DMXL2: variants seen among roughly 807,000 people sequenced by gnomAD.
DMXL2 encodes the protein dmX-like protein 2.
In DMXL2, 103 loss-of-function variants were observed where a neutral mutation model predicts 331.1. That is an observed-to-expected ratio of 0.31 (90% CI 0.27 to 0.37). The LOEUF (loss-of-function observed/expected upper bound fraction) is 0.37, where lower values mean the gene tolerates loss of function less well. DMXL2 is among the 10% of genes least tolerant of loss of function. The pLI is 1.00. For synonymous variants in DMXL2, 1,281 were observed against 1,252.1 expected (o/e 1.02, Z -0.49); for missense variants, 3,171 against 3,642.9 (o/e 0.87, Z 3.33).
chr15:51,458,663 T>A, intron 35 of DMXL2, 36 bp from the exon 36 acceptor site: 1 of 1,613,910 alleles, frequency 6.2e-7, no homozygotes, highest in Non-Finnish European at 8.5e-7. Context: ...ATTTAAGCAA[T>A]TTCACTAAGG....
chr15:51,614,840 T>C lies in DMXL2; in HGVS notation c.87+7619A>G, dbSNP rs556921667. Among the ~76,000 whole-genome samples, 5 of 152,334 alleles carry C rather than the reference T, an allele frequency of 3.3e-5. No individual in the cohort carries two copies. The South Asian group carries it at 1.0e-3, about 32-fold the overall frequency. The stretch of plus-strand genomic sequence containing the variant: ...AATAAGGGGCTAACAAGATTTTATT[T>C]GTATTTTAACAGGAGCATTCTAGCT... On this transcript the variant is annotated intron_variant, in intron 1 of 43. Coordinates refer to ENST00000560891, the MANE Select transcript of DMXL2 (RefSeq NM_001378457.1).
Position 51,565,143 on chromosome 15 carries a change from T to A in DMXL2, c.309A>T (p.Lys103Asn), listed in dbSNP as rs145990322. The A allele has an allele frequency of 1.6e-5, 25 of 1,582,756 alleles. No individual in the cohort carries two copies. Among genetic ancestry groups the A allele is most frequent in the Non-Finnish European group, 2.1e-5 (24 of 1,166,490 alleles). Reference protein sequence around the residue: ...RNCQLKCQWLKTGQFFLSSVT... With the variant: ...RNCQLKCQWLNTGQFFLSSVT... ...CAGAACTCAAAAAAAACTGCCCAGT[T>A]TTAAGCCACTGGCACTTGAGTTGCT... is the stretch of plus-strand genomic sequence containing the variant. Residue 103 changes from lysine (K) to asparagine (N), a missense_variant, in exon 4 of 44, where the codon AAA becomes AAT. Lys to Asn is a moderately conservative substitution (Grantham distance 94). Around this residue, in one of 7 missense-constraint regions of DMXL2, gnomAD observed 1,674 missense variants for 1,780.2 expected, o/e 0.94. Transcript: ENST00000560891.
chr15:51,572,591 T>G (rs1249677467), intron 2 of DMXL2, among the ~76,000 whole-genome samples: 1 of 152,128 alleles, frequency 6.6e-6, no homozygotes, highest in Non-Finnish European at 1.5e-5. Flanking sequence ...TCCATCACCA[T>G]CAAATCGGCT....
Position 51,474,522 on chromosome 15 carries a change from T to G in DMXL2, c.7035A>C (p.Leu2345=), listed in dbSNP as rs771622423. 6.2e-7 allele frequency: 1 copy of G among 1,614,132 alleles called. No homozygotes were observed. The highest frequency in any genetic ancestry group is 8.5e-7 in the Non-Finnish European group (1 of 1,179,996). The change falls in exon 28 of 44, where the codon CTA becomes CTC. Residue 2345 remains leucine (L), a synonymous_variant. Transcript: ENST00000560891. ...DEDQPKLNIL[L]CEAVVAVYLS... ...AGTAAACAGCAACAACAGCTTCACA[T>G]AGCAAAATGTTCAGTTTTGGCTGGT...
At chr15:51,507,081 C>T in intron 16 of DMXL2, 53 bp downstream of exon 16, 1 of 1,366,812 alleles carries the variant, frequency 7.3e-7, no homozygotes, top group Non-Finnish European at 9.7e-7. Flanking sequence ...AAAGCATATT[C>T]TATAAAATAA....
In DMXL2 at chr15:51,514,055, T is replaced by C. The variant is rs1347702203; in HGVS notation, c.2644+387A>G. Among the ~76,000 whole-genome samples the C allele has an allele frequency of 7.2e-5, 11 of 152,136 alleles. 1 individual carries two copies. Among genetic ancestry groups the C allele is most frequent in the Admixed American group, 7.2e-4 (11 of 15,270 alleles). On this transcript the variant is annotated intron_variant, in intron 15 of 43. Transcript: ENST00000560891. The stretch of plus-strand genomic sequence containing the variant: ...GTCCCACACAACATGATACCTTATA[T>C]CTTATATTCATCATTGGTCTGAAGC...
Position 51,538,452 on chromosome 15 carries a change from T to C in DMXL2, c.1106A>G (p.Asp369Gly). The stretch of plus-strand genomic sequence containing the variant: ...AGTGCCAACCAAGACATTTGGAATA[T>C]CTGTGGAAATAAAAGAGATTTCAAT... ...HIAASINPAT[D>G]IPNVLVGTAF... is the part of the protein sequence containing the mutation. The change falls in exon 10 of 44, where the codon GAT (aspartate) becomes GGT (glycine). Residue 369 changes from aspartate (D) to glycine (G), a missense_variant and splice_region_variant. By Grantham distance (94) the Asp-to-Gly change is moderately conservative. Coordinates refer to ENST00000560891, the MANE Select transcript of DMXL2 (RefSeq NM_001378457.1). 1 of 1,579,224 alleles carries C rather than the reference T, an allele frequency of 6.3e-7. No homozygotes were observed. Among genetic ancestry groups the C allele is most frequent in the Non-Finnish European group, 8.6e-7 (1 of 1,165,076 alleles).
At chr15:51,546,357 A>G (rs2048889836) in intron 7 of DMXL2, among the ~76,000 whole-genome samples, 1 of 152,162 alleles carries the variant, frequency 6.6e-6, no homozygotes, top group Non-Finnish European at 1.5e-5. Flanking sequence ...CACAGAATCT[A>G]AGTCAAAAGT....
At chr15:51,613,955 A>G (rs1429187878) in intron 1 of DMXL2, among the ~76,000 whole-genome samples, 1 of 152,168 alleles carries the variant, frequency 6.6e-6, no homozygotes, top group African/African-American at 2.4e-5. Flanking sequence ...AGCTCAGCTG[A>G]TTGTTAACAT....
chr15:51,485,034 CAAAA>C (rs35332731), intron 23 of DMXL2, among the ~76,000 whole-genome samples: 4 of 99,774 alleles, frequency 4.0e-5, no homozygotes, highest in African/African-American at 7.9e-5. Context: ...TCAGGCAAAC[CAAAA>C]AAAAAAAAAA....
chr15:51,593,749 G>C (rs2052576755), intron 1 of DMXL2, among the ~76,000 whole-genome samples: 1 of 152,150 alleles, frequency 6.6e-6, no homozygotes, highest in African/African-American at 2.4e-5. Context: ...CTAGAACTCA[G>C]GATTAAGAAA....
At position 51,536,792 on chromosome 15, in the gene DMXL2, A is replaced by G; in HGVS notation, c.1688T>C (p.Met563Thr). 1 of 1,613,930 alleles carries G rather than the reference A, an allele frequency of 6.2e-7. No homozygotes were observed. The highest frequency in any genetic ancestry group is 8.5e-7 in the Non-Finnish European group (1 of 1,179,922). The change falls in exon 12 of 44, where the codon ATG (methionine) becomes ACG (threonine). Residue 563 changes from methionine to threonine, a missense_variant. Met to Thr is a moderately conservative substitution (Grantham distance 81, BLOSUM62 -1). This residue lies in a region of DMXL2 where 1,674 missense variants were observed against 1,780.2 expected (regional missense o/e 0.94). Coordinates refer to ENST00000560891, the MANE Select transcript of DMXL2 (RefSeq NM_001378457.1). The stretch of plus-strand genomic sequence containing the variant: ...TGTCGCATTTATACAGGCATACATC[A>G]TGATATTTTTACTAAGAGAGCTTGC... Reference protein sequence around the residue: ...GDASSLSKNIMMYACINATKD... With the variant: ...GDASSLSKNITMYACINATKD...
intron 15 of DMXL2, among the ~76,000 whole-genome samples, chr15:51,510,984 T>C (rs908581175): frequency 2.0e-5 from 3 of 152,112 alleles, no homozygotes; most frequent in Non-Finnish European, 4.4e-5. Flanking sequence ...AAAATTGGCT[T>C]GCCACATGCA....
At chr15:51,580,050 T>C (rs1217478329) in intron 1 of DMXL2, among the ~76,000 whole-genome samples, 1 of 152,198 alleles carries the variant, frequency 6.6e-6, no homozygotes, top group Admixed American at 6.5e-5. Flanking sequence ...AAGATCCTGT[T>C]GGTGCTAGAA....
At chr15:51,483,294 GC>G (rs2042151388) in intron 23 of DMXL2, among the ~76,000 whole-genome samples, 1 of 152,186 alleles carries the variant, frequency 6.6e-6, no homozygotes, top group Non-Finnish European at 1.5e-5. Context: ...CCTCTGGCAT[GC>G]GCACTGCTCT....
Position 51,536,428 on chromosome 15 carries a change from G to C in DMXL2, c.2052C>G (p.Asp684Glu). The C allele has an allele frequency of 6.2e-7, 1 of 1,613,972 alleles. No individual in the cohort carries two copies. Among genetic ancestry groups the C allele is most frequent in the Non-Finnish European group, 8.5e-7 (1 of 1,179,938 alleles). The change falls in exon 12 of 44, where the codon GAC (aspartate) becomes GAG (glutamate). Residue 684 changes from aspartate to glutamate, a missense_variant. Coordinates refer to ENST00000560891, the MANE Select transcript of DMXL2 (RefSeq NM_001378457.1). The stretch of plus-strand genomic sequence containing the variant: ...TTAATCTACTTAATTTATTGTCTGA[G>C]TCCCACTGACAATCTAATTCAGGAG... ...LLTPELDCQWDSDNKLSRLMD... is the reference protein window; with the variant it reads ...LLTPELDCQWESDNKLSRLMD...
intron 30 of DMXL2, 86 bp downstream of exon 30, chr15:51,466,098 T>C: frequency 9.2e-7 from 1 of 1,083,686 alleles, no homozygotes; most frequent in Non-Finnish European, 1.3e-6. Context: ...TTCAGGATAA[T>C]AATGTTATTT....
chr15:51,609,642 T>C (rs1259703041), intron 1 of DMXL2, among the ~76,000 whole-genome samples: 1 of 152,174 alleles, frequency 6.6e-6, no homozygotes, highest in Non-Finnish European at 1.5e-5. Context: ...ACTATCTACG[T>C]TTGTGGCCGG....
Position 51,448,882 on chromosome 15 carries a change from G to A in DMXL2, c.*102C>T. The A allele has an allele frequency of 2.5e-6, 3 of 1,186,598 alleles. No individual in the cohort carries two copies. The South Asian group carries it at 4.2e-5, about 17-fold the overall frequency. The allele number at this position is 1,186,598 out of a possible 1,614,324, so 73.5% of individuals were successfully genotyped here. Reference sequence around the variant, plus strand: ...GGGTCATATTCAAATTCTACACAGAGATTCTCTGTTTTCAATACAACTGCT... The same window carrying A: ...GGGTCATATTCAAATTCTACACAGAAATTCTCTGTTTTCAATACAACTGCT... On this transcript the variant is annotated 3_prime_UTR_variant, in exon 44 of 44. Transcript: ENST00000560891.
Sources: allele counts gnomAD v4.1 joint callset (sites outside exome capture counted in the v4.1 genomes callset), GRCh38; gene constraint gnomAD v4.1.1; regional missense constraint gnomAD v4.1.1; transcripts MANE v1.5; gene names NCBI Gene and HGNC (gene_info 2026-07-23, HGNC 2026-07-21).